Variants in IGSF3 observed in about 807,000 individuals in gnomAD.
IGSF3 encodes the protein immunoglobulin superfamily member 3.
A neutral mutation model predicts 114.4 loss-of-function variants in IGSF3; 23 were observed. The ratio of observed to expected loss-of-function variants is 0.20; its 90% confidence interval spans 0.14 to 0.28. The LOEUF is 0.28. Among genes scored for constraint, IGSF3 ranks in the 10% least tolerant of loss-of-function variants. The pLI, the probability that IGSF3 is intolerant of heterozygous loss-of-function variation, is 1.00. For synonymous variants in IGSF3, 571 were observed against 645.2 expected, an observed-to-expected ratio of 0.88 and a Z score of 1.74; for missense variants, 1,172 against 1,591.5, an observed-to-expected ratio of 0.74 and a Z score of 4.48.
At position 116,579,595 on chromosome 1, in the gene IGSF3, G is replaced by A. The variant is rs755792128; in HGVS notation, c.3131C>T (p.Pro1044Leu). Residue 1044 changes from proline to leucine, a missense_variant, in exon 10 of 11, where the codon CCA becomes CTA. By Grantham distance (98) the Pro-to-Leu change is moderately conservative. This residue lies in a region of IGSF3 where 423 missense variants were observed against 509.8 expected (regional missense o/e 0.83). Transcript: ENST00000369486. This position sits in a 1 kb window ranked among gnomAD's most constrained non-coding sequence, Gnocchi z 6.4. Reference sequence around the variant, plus strand: ...CCTGCCCTCCCAAGGACTGCCCTCTGGGCCAAAGACAGCATCTGGGCCCAC... The same window carrying A: ...CCTGCCCTCCCAAGGACTGCCCTCTAGGCCAAAGACAGCATCTGGGCCCAC... ...LSVGPDAVFG[P>L]EGSPWEGRLR... 2.5e-6 allele frequency: 4 copies of A among 1,614,140 alleles called. No homozygotes were observed.
chr1:116,585,731 G>A lies in IGSF3; in HGVS notation c.2441-679C>T, dbSNP rs1659816807. 2.0e-5 allele frequency among the ~76,000 whole-genome samples: 3 copies of A among 151,956 alleles called. No homozygotes were observed. Among genetic ancestry groups the A allele is most frequent in the Admixed American group, 2.0e-4 (3 of 15,254 alleles). ...GAGGCCAGGAGTTTGAGACCAGCCT[G>A]GCCAACACAATGAAACCCCATCTCT... On this transcript the variant is annotated intron_variant, in intron 8 of 10. Transcript: ENST00000369486. The surrounding 1 kb of genome is among the most constrained non-coding windows in gnomAD (Gnocchi z 4.9).
chr1:116,663,162 C>G (rs484888), intron 2 of IGSF3, among the ~76,000 whole-genome samples: 77,781 of 152,012 alleles, frequency 0.51, 20,813 homozygotes, highest in Non-Finnish European at 0.58. Context: ...TATAACTCTT[C>G]CTGGCTACAC....
Position 116,628,641 on chromosome 1 carries a change from C to A in IGSF3, c.44-12184G>T, listed in dbSNP as rs1200844105. Among the ~76,000 whole-genome samples the A allele has an allele frequency of 1.3e-5, 2 of 152,132 alleles. No homozygotes were observed. Among genetic ancestry groups the A allele is most frequent in the African/African-American group, 2.4e-5 (1 of 41,426 alleles). Reference sequence around the variant, plus strand: ...TACTCATAAAGCATGAACATCTACACGTAACTAAAAATAAATACTGAGAGC... The same window carrying A: ...TACTCATAAAGCATGAACATCTACAAGTAACTAAAAATAAATACTGAGAGC... On this transcript the variant is annotated intron_variant, in intron 2 of 10. Transcript: ENST00000369486. This position sits in a 1 kb window ranked among gnomAD's most constrained non-coding sequence, Gnocchi z 4.2.
intron 2 of IGSF3, among the ~76,000 whole-genome samples, chr1:116,646,541 T>C (rs1236053237): frequency 1.3e-5 from 2 of 152,126 alleles, no homozygotes; most frequent in African/African-American, 4.8e-5. Flanking sequence ...CCTTAATTCA[T>C]TGAGAAGGCA....
Position 116,588,551 on chromosome 1 carries a change from T to G in IGSF3, c.2440+143A>C, listed in dbSNP as rs1571123375. 4 of 735,700 alleles carry G rather than the reference T, an allele frequency of 5.4e-6. No homozygotes were observed. Among genetic ancestry groups the G allele is most frequent in the Non-Finnish European group, 6.7e-6 (3 of 449,050 alleles). 45.6% of individuals were successfully genotyped at this position (735,700 alleles called of 1,614,324 possible). On this transcript the variant is annotated intron_variant, in intron 8 of 10. Coordinates refer to ENST00000369486, the MANE Select transcript of IGSF3 (RefSeq NM_001007237.3). The surrounding 1 kb of genome is among the most constrained non-coding windows in gnomAD (Gnocchi z 4.9). ...TGGATGGGATTGCAGTGTGCTAGGG[T>G]GATGGTCCGTGTACCTGCACCCATA... is the stretch of plus-strand genomic sequence containing the variant.
chr1:116,647,446 C>T lies in IGSF3; in HGVS notation c.43+18838G>A, dbSNP rs938278918. Among the ~76,000 whole-genome samples, 3 of 152,156 alleles carry T rather than the reference C, an allele frequency of 2.0e-5. No homozygotes were observed. The highest frequency in any genetic ancestry group is 4.8e-5 in the African/African-American group (2 of 41,420). ...CCATGTCTACAGCCAATCAGCTGAC[C>T]GGGGTGGCAACCCCTGGCTCTGCTC... On this transcript the variant is annotated intron_variant, in intron 2 of 10. Transcript: ENST00000369486. This position sits in a 1 kb window ranked among gnomAD's most constrained non-coding sequence, Gnocchi z 4.6.
At position 116,596,330 on chromosome 1, in the gene IGSF3, A is replaced by G. The variant is rs1193084565; in HGVS notation, c.2029+3611T>C. Among the ~76,000 whole-genome samples the G allele has an allele frequency of 6.6e-6, 1 of 152,204 alleles. No individual in the cohort carries two copies. Among genetic ancestry groups the G allele is most frequent in the Non-Finnish European group, 1.5e-5 (1 of 68,036 alleles). ...AACGGGGGTAGCAGGGGACATTTCT[A>G]TGGAAGACACCAGAGCAGGGCTAAG... On this transcript the variant is annotated intron_variant, in intron 7 of 10. Transcript: ENST00000369486. The surrounding 1 kb of genome is among the most constrained non-coding windows in gnomAD (Gnocchi z 4.1).
rs561588544 is a variant in IGSF3, at chr1:116,584,458, C to T, written c.2848+187G>A. On this transcript the variant is annotated intron_variant, in intron 9 of 10. Coordinates refer to ENST00000369486, the MANE Select transcript of IGSF3 (RefSeq NM_001007237.3). This position sits in a 1 kb window ranked among gnomAD's most constrained non-coding sequence, Gnocchi z 5.8. ...CAAATCACCTTAGGCCAAAGCCAGA[C>T]GTGCAATTTTCCATTCACAAGAAAA... 6.8e-5 allele frequency: 41 copies of T among 602,728 alleles called. No individual in the cohort carries two copies. Among genetic ancestry groups the T allele is most frequent in the Non-Finnish European group, 1.1e-4 (37 of 342,194 alleles). The allele number at this position is 602,728 out of a possible 1,614,324, so 37.3% of individuals were successfully genotyped here.
In IGSF3 at chr1:116,583,755, C is replaced by T. The variant is rs984676461; in HGVS notation, c.2848+890G>A. ...GTGATGTTGCAAAGGACATGGGAAT[C>T]CTGCACATCGTAGCTTTGATTATGT... is the stretch of plus-strand genomic sequence containing the variant. On this transcript the variant is annotated intron_variant, in intron 9 of 10. Coordinates refer to ENST00000369486, the MANE Select transcript of IGSF3 (RefSeq NM_001007237.3). The surrounding 1 kb of genome is among the most constrained non-coding windows in gnomAD (Gnocchi z 4.5). 1.3e-5 allele frequency among the ~76,000 whole-genome samples: 2 copies of T among 152,172 alleles called. No homozygotes were observed. The highest frequency in any genetic ancestry group is 2.9e-5 in the Non-Finnish European group (2 of 68,032).
At position 116,628,620 on chromosome 1, in the gene IGSF3, C is replaced by A. The variant is rs1647414983; in HGVS notation, c.44-12163G>T. On this transcript the variant is annotated intron_variant, in intron 2 of 10. Coordinates refer to ENST00000369486, the MANE Select transcript of IGSF3 (RefSeq NM_001007237.3). This position sits in a 1 kb window ranked among gnomAD's most constrained non-coding sequence, Gnocchi z 4.2. ...CACCCTGAAATATGTCTAGCATACT[C>A]ATAAAGCATGAACATCTACACGTAA... Among the ~76,000 whole-genome samples the A allele has an allele frequency of 6.6e-6, 1 of 152,130 alleles. No homozygotes were observed. The highest frequency in any genetic ancestry group is 1.5e-5 in the Non-Finnish European group (1 of 68,022).
rs900351086 is a variant in IGSF3, at chr1:116,647,852, C to G, written c.43+18432G>C. On this transcript the variant is annotated intron_variant, in intron 2 of 10. Coordinates refer to ENST00000369486, the MANE Select transcript of IGSF3 (RefSeq NM_001007237.3). This position sits in a 1 kb window ranked among gnomAD's most constrained non-coding sequence, Gnocchi z 4.6. The stretch of plus-strand genomic sequence containing the variant: ...GGCACGGTGGCTCACGCCTGTAATC[C>G]AAGCACTTTGGGAGGCCAAGGCGGG... Among the ~76,000 whole-genome samples, 5 of 152,190 alleles carry G rather than the reference C, an allele frequency of 3.3e-5. No homozygotes were observed. Among genetic ancestry groups the G allele is most frequent in the African/African-American group, 1.2e-4 (5 of 41,442 alleles).
intron 2 of IGSF3, among the ~76,000 whole-genome samples, chr1:116,622,100 G>A (rs891603347): frequency 5.9e-5 from 9 of 152,186 alleles, no homozygotes; most frequent in African/African-American, 2.2e-4. Context: ...CTGAGCATGT[G>A]AAAGTGTCAG....
chr1:116,579,994 C>G lies in IGSF3; in HGVS notation c.2849-117G>C. The G allele has an allele frequency of 2.0e-6, 2 of 982,266 alleles. No individual in the cohort carries two copies. Among genetic ancestry groups the G allele is most frequent in the Non-Finnish European group, 2.9e-6 (2 of 685,770 alleles). The allele number at this position is 982,266 out of a possible 1,614,324, so 60.8% of individuals were successfully genotyped here. A position where few individuals can be genotyped will look rare whatever the true frequency, so the allele number is the denominator to read the frequency against. On this transcript the variant is annotated intron_variant, in intron 9 of 10. Coordinates refer to ENST00000369486, the MANE Select transcript of IGSF3 (RefSeq NM_001007237.3). The surrounding 1 kb of genome is among the most constrained non-coding windows in gnomAD (Gnocchi z 6.4). ...AACATCCATACTATAAGATATTATG[C>G]ACCTATTGAAAAGGCATAGGCAGTG...
At chr1:116,643,846 A>C (rs576508215) in intron 2 of IGSF3, among the ~76,000 whole-genome samples, 28 of 152,322 alleles carry the variant, frequency 1.8e-4, no homozygotes, top group African/African-American at 6.5e-4. Context: ...AAAGGTCATA[A>C]AATTAGCAGG....
chr1:116,585,126 G>T lies in IGSF3; in HGVS notation c.2441-74C>A. ...TCGTACGCACCCTTTCCCAGGGTAG[G>T]TGAATGGATGCCTTCCAAATACAGA... is the stretch of plus-strand genomic sequence containing the variant. On this transcript the variant is annotated intron_variant, in intron 8 of 10. Transcript: ENST00000369486. The surrounding 1 kb of genome is among the most constrained non-coding windows in gnomAD (Gnocchi z 4.9). 1 of 1,150,812 alleles carries T rather than the reference G, an allele frequency of 8.7e-7. No individual in the cohort carries two copies. The highest frequency in any genetic ancestry group is 1.2e-6 in the Non-Finnish European group (1 of 822,516). The allele number at this position is 1,150,812 out of a possible 1,614,324, so 71.3% of individuals were successfully genotyped here.
In IGSF3 at chr1:116,629,146, T is replaced by G. The variant is rs1454747560; in HGVS notation, c.44-12689A>C. On this transcript the variant is annotated intron_variant, in intron 2 of 10. Coordinates refer to ENST00000369486, the MANE Select transcript of IGSF3 (RefSeq NM_001007237.3). This position sits in a 1 kb window ranked among gnomAD's most constrained non-coding sequence, Gnocchi z 4.3. ...AATCCATCAGTCAATTACAGCACTC[T>G]CCCCATGTGGTGAAATAGTATGCAA... Among the ~76,000 whole-genome samples, 1 of 152,108 alleles carries G rather than the reference T, an allele frequency of 6.6e-6. No individual in the cohort carries two copies. The highest frequency in any genetic ancestry group is 2.4e-5 in the African/African-American group (1 of 41,414).
At chr1:116,635,316 C>T (rs1647777056) in intron 2 of IGSF3, among the ~76,000 whole-genome samples, 1 of 152,224 alleles carries the variant, frequency 6.6e-6, no homozygotes, top group Non-Finnish European at 1.5e-5. Context: ...CTGTCTATTC[C>T]TCCAAAACAA....
chr1:116,635,166 A>G (rs1226050668), intron 2 of IGSF3, among the ~76,000 whole-genome samples: 1 of 152,220 alleles, frequency 6.6e-6, no homozygotes, highest in Non-Finnish European at 1.5e-5. Flanking sequence ...TCTAAACAGT[A>G]GAATCCCAAA....
chr1:116,662,927 T>TG lies in IGSF3; in HGVS notation c.43+3356_43+3357insC, dbSNP rs1479176321. 6.6e-6 allele frequency among the ~76,000 whole-genome samples: 1 copy of TG among 152,146 alleles called. No individual in the cohort carries two copies. Among genetic ancestry groups the TG allele is most frequent in the African/African-American group, 2.4e-5 (1 of 41,434 alleles). On this transcript the variant is annotated intron_variant, in intron 2 of 10. Coordinates refer to ENST00000369486, the MANE Select transcript of IGSF3 (RefSeq NM_001007237.3). This position sits in a 1 kb window ranked among gnomAD's most constrained non-coding sequence, Gnocchi z 4.3. Reference sequence around the variant, plus strand: ...TTCTTTCAATCCCTTTCAGAAGCCTTTTCTAACTAACTGGGAAGTAAGAGA... The same window carrying TG: ...TTCTTTCAATCCCTTTCAGAAGCCTTGTTCTAACTAACTGGGAAGTAAGAGA...
Sources: gnomAD v4.1 joint callset for allele counts (sites outside exome capture counted in the v4.1 genomes callset) on GRCh38, gnomAD v4.1.1 for gene constraint, gnomAD v4.1.1 regional missense constraint, Gnocchi (gnomAD v3.1) non-coding constraint, MANE v1.5 for transcripts, NCBI Gene and HGNC (gene_info 2026-07-23, HGNC 2026-07-21) for gene names.